Variants in SBK1 observed in about 807,000 individuals in gnomAD.
SBK1 encodes the protein serine/threonine-protein kinase SBK1.
In SBK1, 11 loss-of-function variants were observed where a neutral mutation model predicts 24.4. That is an observed-to-expected ratio of 0.45 (90% CI 0.28 to 0.75). The LOEUF (loss-of-function observed/expected upper bound fraction) is 0.75. SBK1 is among the 30% of genes least tolerant of loss of function. The pLI is 0.12. For missense variants in SBK1, 467 were observed against 620.5 expected (o/e 0.75, Z 2.63); for synonymous variants, 308 against 284.4 (o/e 1.08, Z -0.83).
At chr16:28,271,730 A>T (rs573593216) in intron 1 of SBK1, among the ~76,000 whole-genome samples, 1 of 152,370 alleles carries the variant, frequency 6.6e-6, no homozygotes, top group African/African-American at 2.4e-5. Flanking sequence ...TTACACAAGT[A>T]GGGGAGAATA....
At chr16:28,307,005 A>G (rs935326099) in intron 1 of SBK1, among the ~76,000 whole-genome samples, 2 of 152,206 alleles carry the variant, frequency 1.3e-5, no homozygotes, top group Non-Finnish European at 2.9e-5. Context: ...AAGCCAGGGC[A>G]TCTGCAGGGC....
intron 1 of SBK1, among the ~76,000 whole-genome samples, chr16:28,263,398 G>A (rs933602016): frequency 6.6e-6 from 1 of 152,240 alleles, no homozygotes; most frequent in Non-Finnish European, 1.5e-5. Flanking sequence ...AAACAGGGAG[G>A]TGAGGATATT....
intron 1 of SBK1, among the ~76,000 whole-genome samples, chr16:28,298,496 C>T (rs2044656657): frequency 6.6e-6 from 1 of 152,240 alleles, no homozygotes; most frequent in Non-Finnish European, 1.5e-5. Context: ...GGCTGCGTGA[C>T]CTTGGGCAGG....
At chr16:28,305,451 A>T (rs1454148129) in intron 1 of SBK1, among the ~76,000 whole-genome samples, 2 of 150,908 alleles carry the variant, frequency 1.3e-5, no homozygotes, top group African/African-American at 4.9e-5. Flanking sequence ...ACCTCAGGTG[A>T]TCCGCCTGCC....
At chr16:28,318,261 G>T (rs1305151467) in intron 2 of SBK1, among the ~76,000 whole-genome samples, 3 of 152,200 alleles carry the variant, frequency 2.0e-5, no homozygotes, top group African/African-American at 7.2e-5. Flanking sequence ...CCAGGGGCTG[G>T]GGCTGTGTGA....
chr16:28,265,115 T>A, intron 1 of SBK1, among the ~76,000 whole-genome samples: 1 of 146,446 alleles, frequency 6.8e-6, no homozygotes, highest in African/African-American at 2.5e-5. Flanking sequence ...CTACAACAAG[T>A]GAGAGAGAAA....
intron 1 of SBK1, among the ~76,000 whole-genome samples, chr16:28,267,948 G>C (rs2044440534): frequency 6.6e-6 from 1 of 152,124 alleles, no homozygotes; most frequent in Non-Finnish European, 1.5e-5. Flanking sequence ...AGGAGTTCAA[G>C]ACCAGCCTGA....
At chr16:28,307,565 C>T (rs1369484007) in intron 1 of SBK1, among the ~76,000 whole-genome samples, 1 of 151,884 alleles carries the variant, frequency 6.6e-6, no homozygotes, top group Non-Finnish European at 1.5e-5. Flanking sequence ...CATGGTGAAA[C>T]CTCATCTCTA....
Position 28,292,736 on chromosome 16 carries a change from C to T in SBK1, c.-572C>T. 1.0e-6 allele frequency: 1 copy of T among 984,782 alleles called. No individual in the cohort carries two copies. Among genetic ancestry groups the T allele is most frequent in the Non-Finnish European group, 1.2e-6 (1 of 829,458 alleles). 61.0% of individuals were successfully genotyped at this position (984,782 alleles called of 1,614,324 possible). ...CCGGGACCCACTAAAGCCCCCGCAG[C>T]CGAGGAGTGCGGGGAGCCCCCTTCC... On this transcript the variant is annotated 5_prime_UTR_variant, in exon 1 of 4. Coordinates refer to ENST00000341901, the MANE Select transcript of SBK1 (RefSeq NM_001024401.3).
Position 28,298,340 on chromosome 16 carries a change from T to C in SBK1, c.-8+5040T>C, listed in dbSNP as rs146425887. 2.7e-3 allele frequency among the ~76,000 whole-genome samples: 404 copies of C among 152,364 alleles called. 4 individuals carry two copies. The highest frequency in any genetic ancestry group is 4.3e-3 in the Non-Finnish European group (293 of 68,046). On this transcript the variant is annotated intron_variant, in intron 1 of 3. Coordinates refer to ENST00000341901, the MANE Select transcript of SBK1 (RefSeq NM_001024401.3). Reference sequence around the variant, plus strand: ...TCTCCTAGTGTCAAGTGCTCAGTGCTGGACAGCGTTTTCTCATTTAGCCCT... The same window carrying C: ...TCTCCTAGTGTCAAGTGCTCAGTGCCGGACAGCGTTTTCTCATTTAGCCCT...
intron 1 of SBK1, among the ~76,000 whole-genome samples, chr16:28,279,413 CAAAAA>C (rs34582546): frequency 3.5e-5 from 3 of 84,774 alleles, no homozygotes; most frequent in East Asian, 1.1e-3. Flanking sequence ...AAAACAAAAC[CAAAAA>C]AAAAAAAAAA....
intron 1 of SBK1, among the ~76,000 whole-genome samples, chr16:28,266,537 G>A (rs1306366822): frequency 6.6e-6 from 1 of 151,950 alleles, no homozygotes; most frequent in Non-Finnish European, 1.5e-5. Context: ...ATCTCACTGA[G>A]CTGAAATCAA....
intron 1 of SBK1, among the ~76,000 whole-genome samples, chr16:28,310,175 G>A (rs148396160): frequency 1.3e-5 from 2 of 152,316 alleles, no homozygotes; most frequent in African/African-American, 4.8e-5. Flanking sequence ...CTCAGGGCCG[G>A]TGAGGACACA....
At position 28,322,956 on chromosome 16, in the gene SBK1, C is replaced by G. The variant is rs1249353828; in HGVS notation, c.*2035C>G. Reference sequence around the variant, plus strand: ...CCTCTCTCTCTCTCTCTCTCTCTCTCTCTCTCTCTCTCTCTCTCTCTCTCC... The same window carrying G: ...CCTCTCTCTCTCTCTCTCTCTCTCTGTCTCTCTCTCTCTCTCTCTCTCTCC... On this transcript the variant is annotated 3_prime_UTR_variant, in exon 4 of 4. Coordinates refer to ENST00000341901, the MANE Select transcript of SBK1 (RefSeq NM_001024401.3). The G allele has an allele frequency of 8.6e-6, 1 of 116,022 alleles. No homozygotes were observed. The highest frequency in any genetic ancestry group is 1.8e-5 in the Non-Finnish European group (1 of 54,776). The allele number at this position is 116,022 out of a possible 1,614,324, so 7.2% of individuals were successfully genotyped here.
At chr16:28,279,537 C>T (rs556108781) in intron 1 of SBK1, among the ~76,000 whole-genome samples, 34 of 152,186 alleles carry the variant, frequency 2.2e-4, no homozygotes, top group African/African-American at 7.7e-4. Context: ...CTCTGGGTCC[C>T]GCATTCTGTC....
At chr16:28,302,964 G>C (rs867545243) in intron 1 of SBK1, among the ~76,000 whole-genome samples, 14 of 123,800 alleles carry the variant, frequency 1.1e-4, no homozygotes, top group Middle Eastern at 4.0e-3. Flanking sequence ...CAGGGCATGG[G>C]GGGGGGTCAG....
In SBK1 at chr16:28,320,095, C is replaced by T; in HGVS notation, c.449C>T (p.Thr150Met). The T allele has an allele frequency of 6.6e-7, 1 of 1,526,408 alleles. No homozygotes were observed. The highest frequency in any genetic ancestry group is 8.8e-7 in the Non-Finnish European group (1 of 1,141,510). The allele number at this position is 1,526,408 out of a possible 1,614,324, so 94.6% of individuals were successfully genotyped here. The change falls in exon 4 of 4, where the codon ACG (threonine) becomes ATG (methionine). Residue 150 changes from threonine (T) to methionine (M), a missense_variant. Physicochemically the swap from Thr to Met is moderately conservative, Grantham distance 81 (BLOSUM62 -1). This residue lies in a region of SBK1 where 92 missense variants were observed against 193.8 expected (regional missense o/e 0.47). Transcript: ENST00000341901. The surrounding 1 kb of genome is among the most constrained non-coding windows in gnomAD (Gnocchi z 8.5). ...IPPQVGLPED[T>M]VKRCVQQLGL... ...CCGCAGGTGGGGCTCCCTGAGGACA[C>T]GGTGAAGCGCTGTGTGCAGCAGCTG...
rs2044876635 is a variant in SBK1, at chr16:28,323,776, G to A, written c.*2855G>A. On this transcript the variant is annotated 3_prime_UTR_variant, in exon 4 of 4. Coordinates refer to ENST00000341901, the MANE Select transcript of SBK1 (RefSeq NM_001024401.3). ...CTCTGGCATCCTTTGGCCCTGAGAA[G>A]GTTTTTAAATGTGTTATTTACTTCT... 1 of 152,648 alleles carries A rather than the reference G, an allele frequency of 6.6e-6. No individual in the cohort carries two copies. The highest frequency in any genetic ancestry group is 1.5e-5 in the Non-Finnish European group (1 of 68,042). 9.5% of individuals were successfully genotyped at this position (152,648 alleles called of 1,614,324 possible).
At chr16:28,280,149 A>ATATATATATGTGTGTGTGTG (rs1230385223) in intron 1 of SBK1, among the ~76,000 whole-genome samples, 18 of 39,402 alleles carry the variant, frequency 4.6e-4, no homozygotes, top group African/African-American at 1.4e-3. Context: ...ATATATATAT[A>ATATATATATGTGTGTGTGTG]TGTGTGTGTG....
Sources: allele counts gnomAD v4.1 joint callset (sites outside exome capture counted in the v4.1 genomes callset), GRCh38; gene constraint gnomAD v4.1.1; regional missense constraint gnomAD v4.1.1; non-coding constraint Gnocchi (gnomAD v3.1); transcripts MANE v1.5; gene names NCBI Gene and HGNC (gene_info 2026-07-23, HGNC 2026-07-21).